Variants in AGAP1 observed in about 807,000 individuals in gnomAD.
The protein encoded by AGAP1 is ArfGAP with GTPase domain, ankyrin repeat and PH domain 1, also known as arf-GAP with GTPase, ANK repeat and PH domain-containing protein 1.
Under a neutral mutation model 105.3 loss-of-function variants are expected in AGAP1, and 29 were observed. That is an observed-to-expected ratio of 0.28 (90% CI 0.21 to 0.38). AGAP1 has a LOEUF of 0.38. AGAP1 is among the 10% of genes least tolerant of loss of function. AGAP1 has a pLI of 1.00. For missense variants in AGAP1, 998 were observed against 1,165.1 expected (o/e 0.86, Z 2.09); for synonymous variants, 509 against 485.9 (o/e 1.05, Z -0.63).
intron 9 of AGAP1, among the ~76,000 whole-genome samples, chr2:235,823,410 A>G (rs914755512): frequency 6.6e-6 from 1 of 152,076 alleles, no homozygotes; most frequent in Admixed American, 6.5e-5. Flanking sequence ...AGCTGGGACT[A>G]TGGGTGCGAG....
At chr2:235,654,618 G>A (rs894937474) in intron 1 of AGAP1, among the ~76,000 whole-genome samples, 6 of 152,174 alleles carry the variant, frequency 3.9e-5, no homozygotes, top group East Asian at 3.9e-4. Flanking sequence ...ATCTCAAGAC[G>A]GTGACACATT....
intron 1 of AGAP1, among the ~76,000 whole-genome samples, chr2:235,634,781 A>C (rs1236080170): frequency 6.6e-6 from 1 of 152,116 alleles, no homozygotes; most frequent in Non-Finnish European, 1.5e-5. Context: ...TCAAAATAAA[A>C]CCATCTTTTC....
intron 1 of AGAP1, among the ~76,000 whole-genome samples, chr2:235,542,096 A>G (rs1435334759): frequency 2.0e-5 from 3 of 152,224 alleles, no homozygotes; most frequent in South Asian, 4.1e-4. Context: ...CCTTTGTGCA[A>G]ACAGGGTTAT....
Position 235,815,505 on chromosome 2 carries a change from C to A in AGAP1, c.1050+8174C>A, listed in dbSNP as rs372618072. On this transcript the variant is annotated intron_variant, in intron 9 of 17. Coordinates refer to ENST00000304032, the MANE Select transcript of AGAP1 (RefSeq NM_001037131.3). ...CTTCAACATGCAAATTTTGGGGGGA[C>A]GTATTTCATCCTGTAACACACAGCT... 2.0e-4 allele frequency among the ~76,000 whole-genome samples: 30 copies of A among 152,236 alleles called. 1 individual carries two copies. In the East Asian group the frequency reaches 5.8e-3, roughly 29 times the overall value.
chr2:236,024,790 T>C (rs2057000868), intron 13 of AGAP1, among the ~76,000 whole-genome samples: 1 of 152,248 alleles, frequency 6.6e-6, no homozygotes, highest in Non-Finnish European at 1.5e-5. Context: ...ACACAATTAG[T>C]GTAATATCCG....
rs1335440593 is a variant in AGAP1, at chr2:235,733,793, G to C, written c.311-7170G>C. Among the ~76,000 whole-genome samples the C allele has an allele frequency of 1.3e-5, 2 of 152,058 alleles. No individual in the cohort carries two copies. The highest frequency in any genetic ancestry group is 4.8e-5 in the African/African-American group (2 of 41,378). The stretch of plus-strand genomic sequence containing the variant: ...GCCACATGCAGGGTCCTCACTCACT[G>C]CTGGTACCTTTGTGTAGTAGTTACT... On this transcript the variant is annotated intron_variant, in intron 3 of 17. Coordinates refer to ENST00000304032, the MANE Select transcript of AGAP1 (RefSeq NM_001037131.3). The surrounding 1 kb of genome is among the most constrained non-coding windows in gnomAD (Gnocchi z 5.0).
At chr2:235,834,291 T>C (rs1959847250) in intron 9 of AGAP1, among the ~76,000 whole-genome samples, 1 of 152,186 alleles carries the variant, frequency 6.6e-6, no homozygotes, top group Non-Finnish European at 1.5e-5. Flanking sequence ...TAGTATGAGG[T>C]GCAGGCTTTT....
chr2:235,781,441 G>A (rs1429786865), intron 6 of AGAP1, among the ~76,000 whole-genome samples: 1 of 152,174 alleles, frequency 6.6e-6, no homozygotes, highest in Non-Finnish European at 1.5e-5. Flanking sequence ...GTGCAAAGGG[G>A]CCTTAGATGT....
chr2:235,910,910 G>A lies in AGAP1; in HGVS notation c.1324+2004G>A, dbSNP rs574075067. ...AGCCTGCGCGACAGAGTGAGACTCC[G>A]TCTCAAAAAAAAAAAAATCTATCAA... is the stretch of plus-strand genomic sequence containing the variant. On this transcript the variant is annotated intron_variant, in intron 11 of 17. Coordinates refer to ENST00000304032, the MANE Select transcript of AGAP1 (RefSeq NM_001037131.3). 1.1e-4 allele frequency among the ~76,000 whole-genome samples: 16 copies of A among 146,696 alleles called. No homozygotes were observed. The East Asian group carries it at 1.3e-3, about 12-fold the overall frequency.
intron 5 of AGAP1, among the ~76,000 whole-genome samples, chr2:235,746,153 C>T (rs992409202): frequency 2.6e-5 from 4 of 151,240 alleles, no homozygotes; most frequent in Non-Finnish European, 4.4e-5. Flanking sequence ...GGCATGTTGG[C>T]GGGTGTCTGT....
At chr2:235,570,123 T>TC (rs1013747407) in intron 1 of AGAP1, among the ~76,000 whole-genome samples, 20 of 151,770 alleles carry the variant, frequency 1.3e-4, no homozygotes, top group Non-Finnish European at 2.9e-4. Flanking sequence ...CACAGGGAGT[T>TC]CCCAGGCTTC....
intron 1 of AGAP1, among the ~76,000 whole-genome samples, chr2:235,671,431 C>G (rs193117593): frequency 0.011 from 1,734 of 152,282 alleles, 31 homozygotes; most frequent in African/African-American, 0.039. Context: ...CGAGGCTCGC[C>G]GGTCGCCGCC....
Position 236,080,432 on chromosome 2 carries a change from G to A in AGAP1, c.2114+31151G>A, listed in dbSNP as rs536438340. On this transcript the variant is annotated intron_variant, in intron 16 of 17. Coordinates refer to ENST00000304032, the MANE Select transcript of AGAP1 (RefSeq NM_001037131.3). The surrounding 1 kb of genome is among the most constrained non-coding windows in gnomAD (Gnocchi z 4.2). ...TGCAACCAGACAAGTTTAGAGGCCT[G>A]TGGAATTCCCAGGCCAAGGGAAGAG... Among the ~76,000 whole-genome samples the A allele has an allele frequency of 2.1e-4, 32 of 152,310 alleles. No individual in the cohort carries two copies. The South Asian group carries it at 5.8e-3, about 28-fold the overall frequency.
intron 11 of AGAP1, among the ~76,000 whole-genome samples, chr2:235,920,364 C>T (rs1445860367): frequency 1.3e-5 from 2 of 152,242 alleles, no homozygotes; most frequent in African/African-American, 4.8e-5. Context: ...GAAGGGATGA[C>T]TCTGGCGCTC....
intron 9 of AGAP1, among the ~76,000 whole-genome samples, chr2:235,831,286 A>C (rs1342117865): frequency 6.6e-6 from 1 of 151,716 alleles, no homozygotes; most frequent in Non-Finnish European, 1.5e-5. Context: ...ATTGTCCCCC[A>C]CAGTCTGTTG....
In AGAP1 at chr2:235,549,196, T is replaced by G. The variant is rs570229590; in HGVS notation, c.163+54347T>G. On this transcript the variant is annotated intron_variant, in intron 1 of 17. Transcript: ENST00000304032. This position sits in a 1 kb window ranked among gnomAD's most constrained non-coding sequence, Gnocchi z 4.2. ...GACAGTTTGCCACGTTCAGCAGGATTTTCCAGACCTTTTATTTCTAAGGAA... is the reference window on the plus strand; with the variant it reads ...GACAGTTTGCCACGTTCAGCAGGATGTTCCAGACCTTTTATTTCTAAGGAA... 6.6e-6 allele frequency among the ~76,000 whole-genome samples: 1 copy of G among 152,332 alleles called. No homozygotes were observed. Among genetic ancestry groups the G allele is most frequent in the South Asian group, 2.1e-4 (1 of 4,830 alleles).
intron 16 of AGAP1, among the ~76,000 whole-genome samples, chr2:236,111,362 A>G (rs144235929): frequency 6.6e-6 from 1 of 152,122 alleles, no homozygotes; most frequent in East Asian, 1.9e-4. Context: ...CTACAAAAAA[A>G]AAAATTATGC....
Position 235,569,378 on chromosome 2 carries a change from C to T in AGAP1, c.163+74529C>T, listed in dbSNP as rs143809676. 6.6e-6 allele frequency among the ~76,000 whole-genome samples: 1 copy of T among 152,126 alleles called. No homozygotes were observed. The highest frequency in any genetic ancestry group is 1.5e-5 in the Non-Finnish European group (1 of 68,020). Reference sequence around the variant, plus strand: ...GGGTGCCTCTCCTGGCCAGGTGTCCCCTTGTGTATGTTATCCTTGAATCTT... The same window carrying T: ...GGGTGCCTCTCCTGGCCAGGTGTCCTCTTGTGTATGTTATCCTTGAATCTT... On this transcript the variant is annotated intron_variant, in intron 1 of 17. Coordinates refer to ENST00000304032, the MANE Select transcript of AGAP1 (RefSeq NM_001037131.3). This position sits in a 1 kb window ranked among gnomAD's most constrained non-coding sequence, Gnocchi z 5.9.
chr2:235,721,711 A>C lies in AGAP1; in HGVS notation c.310+4067A>C, dbSNP rs901775140. 6.6e-6 allele frequency among the ~76,000 whole-genome samples: 1 copy of C among 152,190 alleles called. No individual in the cohort carries two copies. Among genetic ancestry groups the C allele is most frequent in the South Asian group, 2.1e-4 (1 of 4,830 alleles). ...CGGTTCTGATTTAATTAGTGTGTGC[A>C]TATCCTTTATATTCTAATCCTGACC... is the stretch of plus-strand genomic sequence containing the variant. On this transcript the variant is annotated intron_variant, in intron 3 of 17. Transcript: ENST00000304032. The surrounding 1 kb of genome is among the most constrained non-coding windows in gnomAD (Gnocchi z 4.5).
Sources: gnomAD v4.1 joint callset for allele counts (sites outside exome capture counted in the v4.1 genomes callset) on GRCh38, gnomAD v4.1.1 for gene constraint, Gnocchi (gnomAD v3.1) non-coding constraint, MANE v1.5 for transcripts, NCBI Gene and HGNC (gene_info 2026-07-23, HGNC 2026-07-21) for gene names.